Variants in TMEM39A observed in about 807,000 individuals in gnomAD.
TMEM39A encodes the protein suppressor of SQST-1 aggregates in rpl-43 mutants.
TMEM39A carries 19 observed loss-of-function variants against 51.9 expected under a neutral mutation model. The ratio of observed to expected loss-of-function variants is 0.37; its 90% CI spans 0.26 to 0.54. The LOEUF (loss-of-function observed/expected upper bound fraction) is 0.54. TMEM39A is among the 20% of genes least tolerant of loss of function. The probability of loss-of-function intolerance (pLI) is 0.88; values close to 1 mark genes in which losing one functional copy is unlikely to be tolerated. For missense variants in TMEM39A, 433 were observed against 590.5 expected (o/e 0.73, Z 2.76); for synonymous variants, 197 against 220.2 (o/e 0.89, Z 0.93).
chr3:119,449,400 CCT>C (rs2081169338), intron 4 of TMEM39A, among the ~76,000 whole-genome samples: 1 of 151,936 alleles, frequency 6.6e-6, no homozygotes, highest in South Asian at 2.1e-4. Context: ...ATGGTGAAAC[CCT>C]GTCTCTACTA....
At chr3:119,458,337 G>A in intron 2 of TMEM39A, 97 bp from the exon 3 acceptor site, 1 of 995,774 alleles carries the variant, frequency 1.0e-6, no homozygotes, top group Non-Finnish European at 1.5e-6. Context: ...CCCCTTCACT[G>A]TCTGCTTTCC....
intron 2 of TMEM39A, among the ~76,000 whole-genome samples, chr3:119,460,717 A>G (rs1026981199): frequency 2.0e-5 from 3 of 152,238 alleles, no homozygotes; most frequent in African/African-American, 7.2e-5. Flanking sequence ...GAGAACGAAC[A>G]AAGAACTGCT....
intron 3 of TMEM39A, among the ~76,000 whole-genome samples, chr3:119,456,041 G>T (rs958568323): frequency 2.0e-5 from 3 of 152,104 alleles, no homozygotes; most frequent in Non-Finnish European, 2.9e-5. Flanking sequence ...TATATAAAAT[G>T]GGAGTCATAT....
intron 3 of TMEM39A, among the ~76,000 whole-genome samples, chr3:119,457,584 T>A (rs1461630510): frequency 6.6e-6 from 1 of 152,144 alleles, no homozygotes; most frequent in East Asian, 1.9e-4. Flanking sequence ...AGAATCTCCA[T>A]CAGCCTGGGT....
At chr3:119,432,346 T>TTA in intron 8 of TMEM39A, 132 bp from the exon 9 acceptor site, 1 of 580,154 alleles carries the variant, frequency 1.7e-6, no homozygotes, top group Non-Finnish European at 2.9e-6. Context: ...GATCTGTTTA[T>TTA]TTAATATCAA....
intron 5 of TMEM39A, among the ~76,000 whole-genome samples, chr3:119,444,204 G>A (rs1303370933): frequency 6.6e-6 from 1 of 152,082 alleles, no homozygotes; most frequent in Non-Finnish European, 1.5e-5. Flanking sequence ...CCTGATAATA[G>A]TAATCCTCTT....
Position 119,447,897 on chromosome 3 carries a change from G to A in TMEM39A, c.421-725C>T, listed in dbSNP as rs146031095. On this transcript the variant is annotated intron_variant, in intron 4 of 8. Transcript: ENST00000319172. ...CCCAAAGTGCTGGGATTACAGGCAT[G>A]AGCCACTGTGCCCGGCCTGATTTTT... 7.2e-3 allele frequency among the ~76,000 whole-genome samples: 1,091 copies of A among 152,300 alleles called. 6 individuals are homozygous for A. Among genetic ancestry groups the A allele is most frequent in the Admixed American group, 0.012 (177 of 15,300 alleles).
At position 119,462,116 on chromosome 3, in the gene TMEM39A, A is replaced by G; in HGVS notation, c.-42T>C. On this transcript the variant is annotated 5_prime_UTR_variant, in exon 2 of 9. Coordinates refer to ENST00000319172, the MANE Select transcript of TMEM39A (RefSeq NM_018266.3). The stretch of plus-strand genomic sequence containing the variant: ...GCTTCCAGTGCCACCTGTAGTTGCA[A>G]CCCAGGTTAATGGTTGTCAACCAGT... The G allele has an allele frequency of 6.6e-7, 1 of 1,509,732 alleles. No homozygotes were observed. Among genetic ancestry groups the G allele is most frequent in the Admixed American group, 1.7e-5 (1 of 57,986 alleles). 93.5% of individuals were successfully genotyped at this position (1,509,732 alleles called of 1,614,324 possible).
Position 119,431,788 on chromosome 3 carries a change from G to A in TMEM39A, c.*193C>T, listed in dbSNP as rs1007822002. On this transcript the variant is annotated 3_prime_UTR_variant, in exon 9 of 9. Transcript: ENST00000319172. ...CATACCTCTCATATGTATATTATTC[G>A]AATATACTAACACATGAAAGATCAC... is the stretch of plus-strand genomic sequence containing the variant. 23 of 432,508 alleles carry A rather than the reference G, an allele frequency of 5.3e-5. No individual in the cohort carries two copies. Among genetic ancestry groups the A allele is most frequent in the Middle Eastern group, 6.2e-4 (1 of 1,624 alleles). 26.8% of individuals were successfully genotyped at this position (432,508 alleles called of 1,614,324 possible).
chr3:119,445,421 C>G (rs994946158), intron 5 of TMEM39A, among the ~76,000 whole-genome samples: 2 of 152,118 alleles, frequency 1.3e-5, no homozygotes, highest in African/African-American at 4.8e-5. Context: ...CGTGCCACCA[C>G]GCCCTGCTAA....
At chr3:119,457,995 C>A (rs114778245) in intron 3 of TMEM39A, 23 bp downstream of exon 3, 22,269 of 1,573,020 alleles carry the variant, frequency 0.014, 232 homozygotes, top group Middle Eastern at 0.03. Context: ...ACATGAAGAA[C>A]TTAAAGTCTG....
At chr3:119,455,270 A>G (rs1011005313) in intron 3 of TMEM39A, among the ~76,000 whole-genome samples, 3 of 152,218 alleles carry the variant, frequency 2.0e-5, no homozygotes, top group African/African-American at 7.2e-5. Flanking sequence ...CGGCAGTCCA[A>G]TCTATCTTTG....
rs1190842184 is a variant in TMEM39A at position 119,438,017 on chromosome 3, T to C, written c.662A>G (p.His221Arg). 3 of 1,613,992 alleles carry C rather than the reference T, an allele frequency of 1.9e-6. No homozygotes were observed. The African/African-American group carries it at 4.0e-5, about 22-fold the overall frequency. Reference sequence around the variant, plus strand: ...CGAGGCACTTTCCTCTACTGCCTCGTGCTGAACCACATAGTTGTAGTCTGT... The same window carrying C: ...CGAGGCACTTTCCTCTACTGCCTCGCGCTGAACCACATAGTTGTAGTCTGT... ...LLTDYNYVVQ[H>R]EAVEESASTV... Residue 221 changes from histidine (H) to arginine (R), a missense_variant, in exon 6 of 9, where the codon CAC becomes CGC. Coordinates refer to ENST00000319172, the MANE Select transcript of TMEM39A (RefSeq NM_018266.3).
At chr3:119,443,217 T>A (rs1179766804) in intron 5 of TMEM39A, among the ~76,000 whole-genome samples, 1 of 151,834 alleles carries the variant, frequency 6.6e-6, no homozygotes, top group African/African-American at 2.4e-5. Context: ...AGAACACTGT[T>A]GAAATGACAA....
intron 5 of TMEM39A, among the ~76,000 whole-genome samples, chr3:119,441,948 T>C (rs985561851): frequency 6.6e-6 from 1 of 152,214 alleles, no homozygotes; most frequent in African/African-American, 2.4e-5. Context: ...GCTCTAGAAA[T>C]AGAACAACAT....
In TMEM39A at chr3:119,431,941, ATATTTT is replaced by A; in HGVS notation, c.*34_*39del. The A allele has an allele frequency of 7.5e-7, 1 of 1,339,750 alleles. No individual in the cohort carries two copies. Among genetic ancestry groups the A allele is most frequent in the Non-Finnish European group, 1.0e-6 (1 of 986,048 alleles). The allele number at this position is 1,339,750 out of a possible 1,614,324, so 83.0% of individuals were successfully genotyped here. A position where few individuals can be genotyped will look rare whatever the true frequency, so the allele number is the denominator to read the frequency against. On this transcript the variant is annotated 3_prime_UTR_variant, in exon 9 of 9. Coordinates refer to ENST00000319172, the MANE Select transcript of TMEM39A (RefSeq NM_018266.3). ...CAAGAAAAAAATAGAACGTATGAAA[ATATTTT>A]TATCTGAGTTCTCCCTCATTGTTGA...
chr3:119,461,848 A>T (rs2107695301), intron 2 of TMEM39A, 114 bp downstream of exon 2: 1 of 827,206 alleles, frequency 1.2e-6, no homozygotes, highest in Non-Finnish European at 1.8e-6. Context: ...GATTTCTACC[A>T]CAGTGTCAAG....
intron 4 of TMEM39A, among the ~76,000 whole-genome samples, chr3:119,448,238 T>C (rs34208844): frequency 6.6e-6 from 1 of 152,124 alleles, no homozygotes; most frequent in Admixed American, 6.5e-5. Flanking sequence ...ACTAAATATA[T>C]TAAGTACTTG....
intron 8 of TMEM39A, among the ~76,000 whole-genome samples, chr3:119,432,571 C>T (rs11919760): frequency 0.12 from 18,126 of 151,726 alleles, 2,700 homozygotes; most frequent in African/African-American, 0.36. Flanking sequence ...GGATAAAGGA[C>T]CAAACAGGAA....
Sources: gnomAD v4.1 joint callset for allele counts (sites outside exome capture counted in the v4.1 genomes callset) on GRCh38, gnomAD v4.1.1 for gene constraint, MANE v1.5 for transcripts, NCBI Gene and HGNC (gene_info 2026-07-23, HGNC 2026-07-21) for gene names.